WDPCP: variants seen among roughly 807,000 people sequenced by gnomAD.
WDPCP encodes the protein WD repeat-containing and planar cell polarity effector protein fritz homolog.
Under a neutral mutation model 93.1 loss-of-function variants are expected in WDPCP, and 71 were observed. The observed-to-expected ratio is 0.76, with a 90% CI of 0.63 to 0.93. The LOEUF (loss-of-function observed/expected upper bound fraction) is 0.93. Among genes scored for constraint, WDPCP ranks in the 40% least tolerant of loss-of-function variants. WDPCP has a pLI of 0.00. For missense variants in WDPCP, 844 were observed against 887.4 expected (o/e 0.95, Z 0.62); for synonymous variants, 315 against 315.0 (o/e 1.00, Z 0.00).
chr2:63,447,352 G>T (rs1004963462), intron 6 of WDPCP, among the ~76,000 whole-genome samples: 1 of 151,982 alleles, frequency 6.6e-6, no homozygotes, highest in Non-Finnish European at 1.5e-5. Flanking sequence ...TGATATTAGG[G>T]ATGATTTTTT....
At chr2:63,624,182 G>A (rs1219359007) in intron 3 of WDPCP, among the ~76,000 whole-genome samples, 1 of 152,224 alleles carries the variant, frequency 6.6e-6, no homozygotes, top group Non-Finnish European at 1.5e-5. Context: ...CACTGCTAAA[G>A]TAGTGTTTAA....
At chr2:63,736,926 T>A (rs1273531541) in intron 2 of WDPCP, among the ~76,000 whole-genome samples, 1 of 152,128 alleles carries the variant, frequency 6.6e-6, no homozygotes. Flanking sequence ...AGATGCAGCA[T>A]GTAATTTCTT....
intron 1 of WDPCP, among the ~76,000 whole-genome samples, chr2:63,532,395 A>C (rs1703924889): frequency 1.3e-5 from 2 of 152,194 alleles, no homozygotes; most frequent in Admixed American, 6.5e-5. Flanking sequence ...GAGCAACCCC[A>C]AGACACATAA....
intron 9 of WDPCP, among the ~76,000 whole-genome samples, chr2:63,416,496 G>C (rs561222862): frequency 3.5e-4 from 53 of 150,658 alleles, no homozygotes; most frequent in African/African-American, 1.1e-3. Flanking sequence ...CACCACACTT[G>C]GATATGACAT....
At chr2:63,568,031 T>C (rs1264930749) in intron 1 of WDPCP, among the ~76,000 whole-genome samples, 2 of 152,214 alleles carry the variant, frequency 1.3e-5, no homozygotes, top group Admixed American at 6.5e-5. Context: ...ACTTCCATTA[T>C]GGGTAGATTA....
chr2:63,287,629 G>C (rs906112928), intron 13 of WDPCP, among the ~76,000 whole-genome samples: 17 of 152,014 alleles, frequency 1.1e-4, no homozygotes, highest in Admixed American at 2.6e-4. Context: ...ACAAACTCTG[G>C]TCCATCAAAT....
intron 6 of WDPCP, among the ~76,000 whole-genome samples, chr2:63,464,476 G>A (rs1199144944): frequency 6.6e-6 from 1 of 152,042 alleles, no homozygotes; most frequent in Non-Finnish European, 1.5e-5. Context: ...TCAGTATGGT[G>A]TTTCCTCAAA....
At chr2:63,821,886 G>C (rs1007319742) in intron 1 of WDPCP, among the ~76,000 whole-genome samples, 12 of 152,120 alleles carry the variant, frequency 7.9e-5, no homozygotes, top group African/African-American at 2.7e-4. Flanking sequence ...AAGTTAAGTA[G>C]TAAGGATAGG....
At chr2:63,573,804 C>T (rs973557264) in intron 1 of WDPCP, among the ~76,000 whole-genome samples, 1 of 152,134 alleles carries the variant, frequency 6.6e-6, no homozygotes, top group Non-Finnish European at 1.5e-5. Context: ...CCGCTGAATT[C>T]TTTTTCTCAG....
chr2:63,701,173 A>G (rs893808768), intron 2 of WDPCP, among the ~76,000 whole-genome samples: 3 of 152,216 alleles, frequency 2.0e-5, no homozygotes, highest in African/African-American at 4.8e-5. Flanking sequence ...AACAAATAAT[A>G]CAATTTAAAA....
chr2:63,302,332 G>T (rs767107970), intron 13 of WDPCP, among the ~76,000 whole-genome samples: 1 of 152,180 alleles, frequency 6.6e-6, no homozygotes, highest in Non-Finnish European at 1.5e-5. Flanking sequence ...AGAGAAAAGA[G>T]AAAATAGAAA....
intron 14 of WDPCP, among the ~76,000 whole-genome samples, chr2:63,195,998 T>G (rs1429950078): frequency 6.6e-6 from 1 of 152,230 alleles, no homozygotes; most frequent in Non-Finnish European, 1.5e-5. Context: ...GGTTTTTGAG[T>G]ATCTGCTTAA....
intron 10 of WDPCP, among the ~76,000 whole-genome samples, chr2:63,388,056 A>T (rs1382398336): frequency 6.6e-6 from 1 of 152,166 alleles, no homozygotes; most frequent in Non-Finnish European, 1.5e-5. Flanking sequence ...GCCCAAAGCA[A>T]TTTACAGATC....
chr2:63,836,764 C>G, the WDPCP span, among the ~76,000 whole-genome samples: 1 of 152,150 alleles, frequency 6.6e-6, no homozygotes, highest in African/African-American at 2.4e-5. Flanking sequence ...ACACTCTCCT[C>G]TGGGGAACAT....
intron 13 of WDPCP, among the ~76,000 whole-genome samples, chr2:63,261,916 A>T (rs1462498194): frequency 6.6e-6 from 1 of 152,184 alleles, no homozygotes; most frequent in African/African-American, 2.4e-5. Context: ...TAATTAAAGC[A>T]TTGTTTATAA....
chr2:63,326,798 A>C (rs1254389808), intron 12 of WDPCP, among the ~76,000 whole-genome samples: 14 of 152,210 alleles, frequency 9.2e-5, no homozygotes, highest in Admixed American at 9.2e-4. Flanking sequence ...AGAGAGACGA[A>C]GATGTCAAAG....
intron 15 of WDPCP, among the ~76,000 whole-genome samples, chr2:63,161,830 C>G (rs1672669213): frequency 6.6e-6 from 1 of 150,732 alleles, no homozygotes; most frequent in Non-Finnish European, 1.5e-5. Context: ...GTGGCACGAT[C>G]TCAATTCACT....
intron 1 of WDPCP, among the ~76,000 whole-genome samples, chr2:63,502,978 T>C (rs1701649911): frequency 1.3e-5 from 2 of 152,210 alleles, no homozygotes; most frequent in South Asian, 4.1e-4. Flanking sequence ...TGCACCGTTC[T>C]TACTAAAAGA....
At chr2:63,793,695 C>T (rs1446500635) in intron 2 of WDPCP, among the ~76,000 whole-genome samples, 1 of 152,030 alleles carries the variant, frequency 6.6e-6, no homozygotes, top group Non-Finnish European at 1.5e-5. Context: ...ACATGCATCC[C>T]CGATAGTCAC....
Sources: gnomAD v4.1 joint callset for allele counts (sites outside exome capture counted in the v4.1 genomes callset) on GRCh38, gnomAD v4.1.1 for gene constraint, MANE v1.5 for transcripts, NCBI Gene and HGNC (gene_info 2026-07-23, HGNC 2026-07-21) for gene names.